Variants in MARCHF1 observed in about 807,000 individuals in gnomAD.
MARCHF1 encodes the protein membrane associated ring-CH-type finger 1, also known as E3 ubiquitin-protein ligase MARCHF1.
In MARCHF1, 40 loss-of-function variants were observed where a neutral mutation model predicts 54.2. The observed-to-expected ratio is 0.74, with a 90% CI of 0.57 to 0.96. The LOEUF is 0.96. Among genes scored for constraint, MARCHF1 ranks in the 40% least tolerant of loss-of-function variants. The pLI, the probability that MARCHF1 is intolerant of heterozygous loss-of-function variation, is 0.00. For synonymous variants in MARCHF1, 236 were observed against 236.3 expected (o/e 1.00, Z 0.01); for missense variants, 586 against 656.5 (o/e 0.89, Z 1.17).
intron 4 of MARCHF1, among the ~76,000 whole-genome samples, chr4:163,784,873 C>T (rs370965649): frequency 1.1e-4 from 17 of 151,956 alleles, no homozygotes; most frequent in Admixed American, 2.0e-4. Context: ...AAATATATTC[C>T]GCTTTATATA....
At chr4:164,257,073 C>A (rs1156845725) in intron 1 of MARCHF1, among the ~76,000 whole-genome samples, 1 of 151,824 alleles carries the variant, frequency 6.6e-6, no homozygotes, top group Non-Finnish European at 1.5e-5. Context: ...ATGAAGAAGT[C>A]AAAGAGAAAG....
In MARCHF1 at chr4:164,358,194, C is replaced by A. The variant is rs1730618184; in HGVS notation, c.-323+25676G>T. Among the ~76,000 whole-genome samples, 3 of 152,138 alleles carry A rather than the reference C, an allele frequency of 2.0e-5. 1 individual carries two copies. In the South Asian group the frequency reaches 6.2e-4, roughly 32 times the overall value. ...AGCCTCTTCTGCTAGGTAAGGTTTG[C>A]TTCTCAGACTGACCCCACGTGTTAA... On this transcript the variant is annotated intron_variant, in intron 1 of 9. Transcript: ENST00000514618.
intron 1 of MARCHF1, among the ~76,000 whole-genome samples, chr4:164,348,368 T>C (rs548468966): frequency 6.6e-6 from 1 of 152,286 alleles, no homozygotes; most frequent in Admixed American, 6.5e-5. Flanking sequence ...TTTATTTAAT[T>C]TTTATGAACA....
chr4:164,169,727 T>C (rs1730473756), intron 1 of MARCHF1, among the ~76,000 whole-genome samples: 1 of 152,052 alleles, frequency 6.6e-6, no homozygotes, highest in Admixed American at 6.6e-5. Context: ...AAGTTGAAAA[T>C]TATACAAAAT....
At chr4:163,901,394 C>A (rs963692861) in intron 3 of MARCHF1, among the ~76,000 whole-genome samples, 6 of 152,128 alleles carry the variant, frequency 3.9e-5, no homozygotes, top group African/African-American at 1.2e-4. Context: ...TTCATTCAGC[C>A]TATTTTATGA....
intron 3 of MARCHF1, among the ~76,000 whole-genome samples, chr4:163,978,086 G>T (rs1197853992): frequency 6.6e-6 from 1 of 152,154 alleles, no homozygotes; most frequent in African/African-American, 2.4e-5. Flanking sequence ...TCGTTGCTCA[G>T]CAATTCTGAG....
intron 1 of MARCHF1, among the ~76,000 whole-genome samples, chr4:164,307,670 T>G (rs1206484829): frequency 6.6e-6 from 1 of 152,246 alleles, no homozygotes; most frequent in African/African-American, 2.4e-5. Context: ...TTGTGGATTG[T>G]CACCCTCTAC....
intron 5 of MARCHF1, among the ~76,000 whole-genome samples, chr4:163,645,049 C>G (rs914334308): frequency 2.0e-5 from 3 of 152,140 alleles, no homozygotes; most frequent in Non-Finnish European, 4.4e-5. Context: ...CAGGGACCCA[C>G]CCAGTGACAT....
At chr4:164,282,492 G>A (rs1165400157) in intron 1 of MARCHF1, among the ~76,000 whole-genome samples, 3 of 150,506 alleles carry the variant, frequency 2.0e-5, no homozygotes, top group Admixed American at 1.4e-4. Flanking sequence ...CTCATCCACC[G>A]TTCCAATAAA....
chr4:164,188,243 G>A (rs1731025549), intron 1 of MARCHF1: 1 of 249,828 alleles, frequency 4.0e-6, no homozygotes, highest in Non-Finnish European at 7.9e-6. Flanking sequence ...GATGCCGGCC[G>A]AGACAGCACA....
At chr4:163,675,496 G>A (rs1259670605) in intron 5 of MARCHF1, among the ~76,000 whole-genome samples, 1 of 152,138 alleles carries the variant, frequency 6.6e-6, no homozygotes, top group Admixed American at 6.5e-5. Flanking sequence ...AAAATTGCTA[G>A]GACCCGATTA....
intron 1 of MARCHF1, among the ~76,000 whole-genome samples, chr4:164,362,530 C>T (rs948279686): frequency 6.6e-6 from 1 of 152,098 alleles, no homozygotes; most frequent in Admixed American, 6.6e-5. Flanking sequence ...ATGCCCAAGG[C>T]TAATTGGACT....
At chr4:163,688,102 A>G (rs1744325344) in intron 5 of MARCHF1, among the ~76,000 whole-genome samples, 1 of 152,196 alleles carries the variant, frequency 6.6e-6, no homozygotes, top group African/African-American at 2.4e-5. Flanking sequence ...GACACATGGA[A>G]ACAGCTCAAA....
intron 2 of MARCHF1, among the ~76,000 whole-genome samples, chr4:164,036,021 T>A (rs1385287778): frequency 1.4e-5 from 2 of 145,686 alleles, no homozygotes; most frequent in African/African-American, 5.1e-5. Flanking sequence ...GATAATTGAT[T>A]GAATGTGAGA....
At position 163,529,116 on chromosome 4, in the gene MARCHF1, A is replaced by G. The variant is rs550957063; in HGVS notation, c.1340-70T>C. The G allele has an allele frequency of 3.3e-5, 40 of 1,202,190 alleles. 1 individual carries two copies. The South Asian group carries it at 5.0e-4, about 15-fold the overall frequency. The allele number at this position is 1,202,190 out of a possible 1,614,324, so 74.5% of individuals were successfully genotyped here. On this transcript the variant is annotated intron_variant, in intron 9 of 9. Transcript: ENST00000514618. ...GTGGATTTGGTCATTTTTTTTTTCTATGACCCTTCAAAAGCCCGTGCTTGC... is the reference window on the plus strand; with the variant it reads ...GTGGATTTGGTCATTTTTTTTTTCTGTGACCCTTCAAAAGCCCGTGCTTGC...
rs1738074738 is a variant in MARCHF1 at position 163,525,601 on chromosome 4, C to A, written c.*3147G>T. ...CTCCTGTACGATAAGAGTGATAGTT[C>A]TTTAAAAAAATTAACAGCATCAATG... On this transcript the variant is annotated 3_prime_UTR_variant, in exon 10 of 10. Coordinates refer to ENST00000514618, the MANE Select transcript of MARCHF1 (RefSeq NM_001394959.1). 6.6e-6 allele frequency: 1 copy of A among 151,862 alleles called. No homozygotes were observed. The highest frequency in any genetic ancestry group is 2.1e-4 in the South Asian group (1 of 4,820). The allele number at this position is 151,862 out of a possible 1,614,324, so 9.4% of individuals were successfully genotyped here. A position where few individuals can be genotyped will look rare whatever the true frequency, so the allele number is the denominator to read the frequency against.
chr4:164,049,717 A>G (rs1579490623), intron 2 of MARCHF1, among the ~76,000 whole-genome samples: 1 of 152,326 alleles, frequency 6.6e-6, no homozygotes, highest in East Asian at 1.9e-4. Flanking sequence ...ATGCAGCATG[A>G]AAGGAAATGT....
At chr4:164,324,384 T>C (rs1561002655) in intron 1 of MARCHF1, among the ~76,000 whole-genome samples, 2 of 151,784 alleles carry the variant, frequency 1.3e-5, no homozygotes, top group African/African-American at 2.4e-5. Context: ...GGAAACACAC[T>C]ATTATTGAAC....
chr4:163,809,170 G>T (rs1024726762), intron 4 of MARCHF1, among the ~76,000 whole-genome samples: 2 of 152,028 alleles, frequency 1.3e-5, no homozygotes. Flanking sequence ...AAATGCTTTG[G>T]TATTGTTAAG....
Sources: allele counts gnomAD v4.1 joint callset (sites outside exome capture counted in the v4.1 genomes callset), GRCh38; gene constraint gnomAD v4.1.1; transcripts MANE v1.5; gene names NCBI Gene and HGNC (gene_info 2026-07-23, HGNC 2026-07-21).